Variants in MAP3K5 observed in about 807,000 individuals in gnomAD.
MAP3K5 encodes the protein ASK-1.
MAP3K5 carries 56 observed loss-of-function variants against 158.7 expected under a neutral mutation model. That is an observed-to-expected ratio of 0.35 (90% CI 0.28 to 0.44). The LOEUF is 0.44. MAP3K5 is among the 20% of genes least tolerant of loss of function. The pLI is 1.00. For synonymous variants in MAP3K5, 579 were observed against 601.7 expected (o/e 0.96, Z 0.55); for missense variants, 1,294 against 1,674.8 (o/e 0.77, Z 3.97).
rs959330254 is a variant in MAP3K5 at position 136,784,244 on chromosome 6, G to C, written c.448+7466C>G. ...TCCTGGCAGCCCAGGAAGCAGAGCC[G>C]GTCATGACAACATGCAGCTGATGAT... On this transcript the variant is annotated intron_variant, in intron 1 of 29. Transcript: ENST00000359015. Among the ~76,000 whole-genome samples the C allele has an allele frequency of 4.6e-5, 7 of 152,196 alleles. No individual in the cohort carries two copies. In the East Asian group the frequency reaches 1.3e-3, roughly 29 times the overall value.
At chr6:136,739,065 T>C (rs2114866597) in intron 1 of MAP3K5, among the ~76,000 whole-genome samples, 1 of 152,168 alleles carries the variant, frequency 6.6e-6, no homozygotes, top group South Asian at 2.1e-4. Flanking sequence ...CTGTGGTAAG[T>C]GTGTTGACGA....
chr6:136,697,114 G>T, intron 5 of MAP3K5, 105 bp downstream of exon 5: 1 of 848,152 alleles, frequency 1.2e-6, no homozygotes, highest in Non-Finnish European at 1.8e-6. Flanking sequence ...AAAATTACGT[G>T]TAGTAACATG....
chr6:136,792,680 G>C (rs1436782219), upstream of MAP3K5, among the ~76,000 whole-genome samples: 3 of 152,188 alleles, frequency 2.0e-5, no homozygotes, highest in Admixed American at 6.5e-5. This position sits in a 1 kb window ranked among gnomAD's most constrained non-coding sequence, Gnocchi z 5.7. Flanking sequence ...CGGCGTCCCG[G>C]AACAGCAGCA....
intron 1 of MAP3K5, among the ~76,000 whole-genome samples, chr6:136,760,633 G>A (rs1271054024): frequency 3.3e-5 from 5 of 152,172 alleles, no homozygotes; most frequent in Non-Finnish European, 7.3e-5. Context: ...GAAGTGATTA[G>A]GTTAGGAGGG....
At chr6:136,636,478 G>A (rs1777642176) in intron 14 of MAP3K5, among the ~76,000 whole-genome samples, 1 of 152,226 alleles carries the variant, frequency 6.6e-6, no homozygotes, top group South Asian at 2.1e-4. Flanking sequence ...ACACTGGGAA[G>A]GGCTTGGAGA....
At chr6:136,694,040 C>T (rs1780497607) in intron 7 of MAP3K5, 100 bp downstream of exon 7, 6 of 885,350 alleles carry the variant, frequency 6.8e-6, no homozygotes, top group Non-Finnish European at 1.0e-5. Flanking sequence ...AATACACAAT[C>T]TTATGGATTA....
At chr6:136,584,808 T>C (rs553340307) in intron 23 of MAP3K5, among the ~76,000 whole-genome samples, 64 of 152,306 alleles carry the variant, frequency 4.2e-4, no homozygotes, top group African/African-American at 1.4e-3. Context: ...GCTCATATTC[T>C]GTTTTCAGTG....
chr6:136,590,892 A>G (rs1583232408), intron 23 of MAP3K5, among the ~76,000 whole-genome samples: 1 of 152,184 alleles, frequency 6.6e-6, no homozygotes, highest in East Asian at 1.9e-4. Flanking sequence ...TACTCTGGTG[A>G]TATGGTTTGG....
At chr6:136,775,396 T>C (rs970493268) in intron 1 of MAP3K5, among the ~76,000 whole-genome samples, 2 of 152,224 alleles carry the variant, frequency 1.3e-5, no homozygotes, top group Non-Finnish European at 2.9e-5. Flanking sequence ...GCTTGTAACC[T>C]AGTCCAGGTC....
At chr6:136,591,004 T>C (rs1366397475) in intron 23 of MAP3K5, among the ~76,000 whole-genome samples, 2 of 152,180 alleles carry the variant, frequency 1.3e-5, no homozygotes, top group Non-Finnish European at 2.9e-5. Flanking sequence ...GGGGTGGGTC[T>C]TTCCTGTGAT....
intron 15 of MAP3K5, among the ~76,000 whole-genome samples, chr6:136,615,249 T>C (rs1225257265): frequency 1.3e-5 from 2 of 152,190 alleles, no homozygotes; most frequent in African/African-American, 4.8e-5. Flanking sequence ...GGAGGTCCGC[T>C]GGGCATGGCA....
intron 1 of MAP3K5, among the ~76,000 whole-genome samples, chr6:136,776,546 C>T (rs999520065): frequency 1.3e-5 from 2 of 152,174 alleles, no homozygotes; most frequent in African/African-American, 4.8e-5. Context: ...CACCTGGCTG[C>T]TATTAAGGTT....
At chr6:136,679,790 T>A (rs188124212) in intron 7 of MAP3K5, among the ~76,000 whole-genome samples, 8 of 152,328 alleles carry the variant, frequency 5.3e-5, no homozygotes, top group African/African-American at 1.7e-4. Context: ...ACCACAATTT[T>A]CTTCTGGGTA....
At chr6:136,640,124 G>A (rs531834343) in intron 12 of MAP3K5, among the ~76,000 whole-genome samples, 1 of 152,320 alleles carries the variant, frequency 6.6e-6, no homozygotes, top group African/African-American at 2.4e-5. Flanking sequence ...AAGTGCACTC[G>A]GTTAGGACTC....
At chr6:136,639,989 C>T (rs1169699992) in intron 12 of MAP3K5, among the ~76,000 whole-genome samples, 1 of 151,828 alleles carries the variant, frequency 6.6e-6, no homozygotes, top group Non-Finnish European at 1.5e-5. Context: ...TGGCTAACCT[C>T]GGTGATTCTG....
intron 1 of MAP3K5, among the ~76,000 whole-genome samples, chr6:136,766,532 G>C (rs543952204): frequency 1.3e-5 from 2 of 152,228 alleles, no homozygotes; most frequent in South Asian, 4.1e-4. Context: ...TGGGTTTTAG[G>C]GTACTGAGTA....
At chr6:136,689,937 A>G (rs1435427708) in intron 7 of MAP3K5, among the ~76,000 whole-genome samples, 1 of 152,114 alleles carries the variant, frequency 6.6e-6, no homozygotes, top group African/African-American at 2.4e-5. Flanking sequence ...AATTATAGCT[A>G]CCATACAGGA....
chr6:136,569,258 G>T (rs752510289), intron 25 of MAP3K5, among the ~76,000 whole-genome samples: 15 of 152,128 alleles, frequency 9.9e-5, no homozygotes, highest in Non-Finnish European at 1.9e-4. Context: ...CATCACTTGT[G>T]GGGGAAATCT....
intron 18 of MAP3K5, among the ~76,000 whole-genome samples, chr6:136,608,599 A>T (rs1042748720): frequency 2.6e-5 from 4 of 152,206 alleles, no homozygotes; most frequent in Admixed American, 1.3e-4. Context: ...TTGGGAGAAG[A>T]TAATTAATTC....
Sources: allele counts gnomAD v4.1 joint callset (sites outside exome capture counted in the v4.1 genomes callset), GRCh38; gene constraint gnomAD v4.1.1; non-coding constraint Gnocchi (gnomAD v3.1); transcripts MANE v1.5; gene names NCBI Gene and HGNC (gene_info 2026-07-23, HGNC 2026-07-21).